The following RFC3 variants were observed in gnomAD, a reference collection of about 807,000 sequenced individuals.
The protein encoded by RFC3 is replication factor C subunit 3, also known as A1 38 kDa subunit.
RFC3 carries 41 observed loss-of-function variants against 45.1 expected under a neutral mutation model. The ratio of observed to expected loss-of-function variants is 0.91; its 90% CI spans 0.71 to 1.18. RFC3 has a LOEUF of 1.18. RFC3 is among the 50% of genes most tolerant of loss of function. The pLI, the probability that RFC3 is intolerant of heterozygous loss-of-function variation, is 0.00. For synonymous variants in RFC3, 149 were observed against 144.0 expected (o/e 1.03, Z -0.25); for missense variants, 423 against 428.1 (o/e 0.99, Z 0.10).
At chr13:33,859,921 A>C (rs1222751435) in intron 8 of RFC3, among the ~76,000 whole-genome samples, 1 of 152,186 alleles carries the variant, frequency 6.6e-6, no homozygotes, top group Non-Finnish European at 1.5e-5. Context: ...ACATGGAGAT[A>C]GGGCCTTTCA....
chr13:33,830,570 A>G (rs1204640703), intron 5 of RFC3, 149 bp from the exon 6 acceptor site: 3 of 540,320 alleles, frequency 5.6e-6, no homozygotes, highest in Non-Finnish European at 9.5e-6. Context: ...ATTGTGTTAG[A>G]TGCAGAGTGG....
Position 33,818,212 on chromosome 13 carries a change from T to C in RFC3, c.34T>C (p.Ser12Pro), listed in dbSNP as rs763552185. The change falls in exon 1 of 9, where the codon TCC (serine) becomes CCC (proline). Residue 12 changes from serine to proline, a missense_variant. Coordinates refer to ENST00000380071, the MANE Select transcript of RFC3 (RefSeq NM_002915.4). ...CTGGGTGGACAAGTATCGGCCCTGC[T>C]CCTTGGGACGGCTGGACTATCACAA... ...SLWVDKYRPC[S>P]LGRLDYHKEQ... is the part of the protein sequence containing the mutation. 1.8e-5 allele frequency: 29 copies of C among 1,613,616 alleles called. No homozygotes were observed. The highest frequency in any genetic ancestry group is 2.2e-5 in the East Asian group (1 of 44,864).
At chr13:33,944,842 C>A (rs1320589320) in intron 8 of RFC3, among the ~76,000 whole-genome samples, 1 of 152,020 alleles carries the variant, frequency 6.6e-6, no homozygotes, top group African/African-American at 2.4e-5. Flanking sequence ...ACAGTGGGGG[C>A]AAATGCAACA....
At chr13:33,893,239 G>A (rs981804774) in intron 8 of RFC3, among the ~76,000 whole-genome samples, 1 of 152,046 alleles carries the variant, frequency 6.6e-6, no homozygotes, top group African/African-American at 2.4e-5. Context: ...TTCCCACACT[G>A]CCAGGATATC....
At chr13:33,833,947 C>T (rs1303580298) in intron 7 of RFC3, among the ~76,000 whole-genome samples, 2 of 152,006 alleles carry the variant, frequency 1.3e-5, no homozygotes, top group Admixed American at 6.6e-5. Context: ...GTGTTAAATA[C>T]TTTCACAGAC....
chr13:33,893,006 G>A (rs144884888), intron 8 of RFC3, among the ~76,000 whole-genome samples: 1 of 152,296 alleles, frequency 6.6e-6, no homozygotes, highest in East Asian at 1.9e-4. Context: ...CAGGAGAACT[G>A]TCCCTGCCTT....
chr13:33,928,589 C>T (rs2082831236), intron 8 of RFC3, among the ~76,000 whole-genome samples: 2 of 152,116 alleles, frequency 1.3e-5, no homozygotes. Context: ...CATTGATCAG[C>T]TCACCTTGCC....
chr13:33,906,397 T>C (rs1442797025), intron 8 of RFC3, among the ~76,000 whole-genome samples: 5 of 151,772 alleles, frequency 3.3e-5, no homozygotes, highest in African/African-American at 1.2e-4. Flanking sequence ...TAACATTGGA[T>C]CCAGCTTTCC....
downstream of RFC3, among the ~76,000 whole-genome samples, chr13:33,839,337 C>A (rs1189013349): frequency 6.6e-6 from 1 of 152,146 alleles, no homozygotes; most frequent in Non-Finnish European, 1.5e-5. Flanking sequence ...TGAACCAAGT[C>A]TGCCATTTTT....
intron 8 of RFC3, among the ~76,000 whole-genome samples, chr13:33,925,536 A>G (rs527799408): frequency 1.4e-5 from 2 of 147,298 alleles, no homozygotes; most frequent in East Asian, 4.0e-4. Context: ...ACATACATAC[A>G]TAGTGTACTA....
At chr13:33,872,038 A>C (rs2082413401) in intron 8 of RFC3, among the ~76,000 whole-genome samples, 1 of 152,134 alleles carries the variant, frequency 6.6e-6, no homozygotes, top group African/African-American at 2.4e-5. Flanking sequence ...AGGAGGTTTC[A>C]TTTGTTTCTT....
intron 8 of RFC3, among the ~76,000 whole-genome samples, chr13:33,935,408 A>G (rs112081429): frequency 5.9e-5 from 9 of 152,282 alleles, no homozygotes; most frequent in South Asian, 2.1e-4. Flanking sequence ...GCTGCTTGCT[A>G]GAGATTGGAT....
At chr13:33,950,946 T>C (rs1366922475) in intron 8 of RFC3, among the ~76,000 whole-genome samples, 1 of 151,914 alleles carries the variant, frequency 6.6e-6, no homozygotes, top group Non-Finnish European at 1.5e-5. Context: ...TTATTCCTCA[T>C]GTGGTTCTTC....
chr13:33,904,828 A>G lies in RFC3; in HGVS notation c.880-61259A>G, dbSNP rs111836847. ...GGAGGTTGCACTGAACACATTCCCC[A>G]TGGCCAAATAAGCTGGGGAGGCAAT... On this transcript the variant is annotated intron_variant, in intron 8 of 8. Transcript: ENST00000434425. Among the ~76,000 whole-genome samples, 1,254 of 152,160 alleles carry G rather than the reference A, an allele frequency of 8.2e-3. 23 individuals carry two copies. Among genetic ancestry groups the G allele is most frequent in the African/African-American group, 0.029 (1,210 of 41,550 alleles).
chr13:33,818,595 C>T (rs1009178243), intron 1 of RFC3, among the ~76,000 whole-genome samples: 5 of 152,230 alleles, frequency 3.3e-5, no homozygotes, highest in Admixed American at 2.0e-4. Flanking sequence ...TTCTAAGAAC[C>T]TCAGGAGGCC....
chr13:33,956,358 C>G (rs1213284046), intron 8 of RFC3, among the ~76,000 whole-genome samples: 1 of 152,148 alleles, frequency 6.6e-6, no homozygotes, highest in Admixed American at 6.6e-5. Flanking sequence ...GTAATCACAG[C>G]AGTGATTTCT....
intron 8 of RFC3, among the ~76,000 whole-genome samples, chr13:33,871,026 C>T (rs879914331): frequency 2.6e-5 from 4 of 152,144 alleles, no homozygotes; most frequent in Non-Finnish European, 5.9e-5. Context: ...AAAGAGTGAA[C>T]TAGTGGAGCC....
chr13:33,887,785 C>T (rs2082535698), intron 8 of RFC3, among the ~76,000 whole-genome samples: 2 of 151,726 alleles, frequency 1.3e-5, no homozygotes, highest in African/African-American at 2.4e-5. Context: ...GTCTTTAATC[C>T]ATCTTGAATT....
intron 8 of RFC3, among the ~76,000 whole-genome samples, chr13:33,835,860 C>T (rs986999589): frequency 1.3e-5 from 2 of 152,144 alleles, no homozygotes; most frequent in African/African-American, 4.8e-5. Flanking sequence ...TATATCCTTG[C>T]ACTTTGTGCA....
Sources: gnomAD v4.1 joint callset for allele counts (sites outside exome capture counted in the v4.1 genomes callset) on GRCh38, gnomAD v4.1.1 for gene constraint, MANE v1.5 for transcripts, NCBI Gene and HGNC (gene_info 2026-07-23, HGNC 2026-07-21) for gene names.